The following ARHGAP39 variants were observed in gnomAD, a reference collection of about 807,000 sequenced individuals.
ARHGAP39 encodes rho GTPase-activating protein 39.
ARHGAP39 carries 44 observed loss-of-function variants against 106.9 expected under a neutral mutation model. The observed-to-expected ratio is 0.41, with a 90% CI of 0.32 to 0.53. The LOEUF (loss-of-function observed/expected upper bound fraction) is 0.53, where lower values mean the gene tolerates loss of function less well. Among genes scored for constraint, ARHGAP39 ranks in the 20% least tolerant of loss-of-function variants. ARHGAP39 has a pLI of 0.21. For missense variants in ARHGAP39, 1,496 were observed against 1,577.3 expected, an observed-to-expected ratio of 0.95 and a Z score of 0.87; for synonymous variants, 768 against 693.2, an observed-to-expected ratio of 1.11 and a Z score of -1.69.
chr8:144,615,064 T>C (rs557256541), intron 1 of ARHGAP39, among the ~76,000 whole-genome samples: 1 of 152,390 alleles, frequency 6.6e-6, no homozygotes, highest in South Asian at 2.1e-4. Context: ...CTCACGCCTA[T>C]AATCCCAGCA....
rs142941118 is a variant in ARHGAP39 at position 144,561,564 on chromosome 8, G to A, written c.513-5921C>T. Among the ~76,000 whole-genome samples, 436 of 141,376 alleles carry A rather than the reference G, an allele frequency of 3.1e-3. 2 individuals are homozygous for A. Among genetic ancestry groups the A allele is most frequent in the Non-Finnish European group, 5.9e-3 (369 of 62,994 alleles). 92.7% of individuals were successfully genotyped at this position (141,376 alleles called of 152,430 possible). On this transcript the variant is annotated intron_variant, in intron 3 of 11. Transcript: ENST00000377307. ...CCATCACACTCCAGTGGTTTCGATCGGACCCCAGTGGTTTCCATCGGACCC... is the reference window on the plus strand; with the variant it reads ...CCATCACACTCCAGTGGTTTCGATCAGACCCCAGTGGTTTCCATCGGACCC...
At chr8:144,567,990 T>C (rs71520580) in intron 3 of ARHGAP39, among the ~76,000 whole-genome samples, 3 of 152,142 alleles carry the variant, frequency 2.0e-5, no homozygotes, top group Non-Finnish European at 4.4e-5. Context: ...CTTTGTCTTG[T>C]GTCTTTATTT....
intron 1 of ARHGAP39, among the ~76,000 whole-genome samples, chr8:144,617,534 C>T (rs948953033): frequency 7.9e-5 from 12 of 151,250 alleles, no homozygotes; most frequent in Non-Finnish European, 1.6e-4. Flanking sequence ...GGAACACAGC[C>T]TTCAGGCTGA....
rs1296189034 is a variant in ARHGAP39, at chr8:144,647,658, G to A, written c.-82+38028C>T. ...ACCTTTGGTGGGTGAGGGAAGGAATGACCAATCCAAGACAAGAAATGCTCG... is the reference window on the plus strand; with the variant it reads ...ACCTTTGGTGGGTGAGGGAAGGAATAACCAATCCAAGACAAGAAATGCTCG... On this transcript the variant is annotated intron_variant, in intron 1 of 11. Coordinates refer to ENST00000377307, the MANE Select transcript of ARHGAP39 (RefSeq NM_025251.3). This position sits in a 1 kb window ranked among gnomAD's most constrained non-coding sequence, Gnocchi z 4.8. 1.3e-5 allele frequency among the ~76,000 whole-genome samples: 2 copies of A among 152,240 alleles called. No individual in the cohort carries two copies. Among genetic ancestry groups the A allele is most frequent in the Admixed American group, 6.5e-5 (1 of 15,282 alleles).
intron 1 of ARHGAP39, among the ~76,000 whole-genome samples, chr8:144,623,850 G>GCA (rs1308904498): frequency 6.6e-6 from 1 of 152,220 alleles, no homozygotes; most frequent in Non-Finnish European, 1.5e-5. Flanking sequence ...GGGCAAGTAA[G>GCA]CACACAGAGC....
intron 2 of ARHGAP39, 144 bp downstream of exon 2, chr8:144,605,391 C>T (rs1396305176): frequency 7.3e-6 from 6 of 826,618 alleles, no homozygotes; most frequent in Non-Finnish European, 1.2e-5. Flanking sequence ...CAGGTGGCAT[C>T]GGCCATCCAG....
At chr8:144,635,685 G>A (rs116020290) in intron 1 of ARHGAP39, among the ~76,000 whole-genome samples, 3,731 of 152,260 alleles carry the variant, frequency 0.025, 187 homozygotes, top group East Asian at 0.21. Flanking sequence ...TACCCGGTGG[G>A]ATCTGAGTCT....
chr8:144,580,803 CCA>C (rs1195853079), intron 3 of ARHGAP39, 41 bp downstream of exon 3: 1 of 1,470,222 alleles, frequency 6.8e-7, no homozygotes, highest in Non-Finnish European at 9.0e-7. Flanking sequence ...CCCGCCCACT[CCA>C]TTCACCTGGC....
At chr8:144,600,969 T>C (rs993769616) in intron 2 of ARHGAP39, among the ~76,000 whole-genome samples, 47 of 143,478 alleles carry the variant, frequency 3.3e-4, no homozygotes, top group African/African-American at 1.0e-3. Flanking sequence ...CCTGTGTGCA[T>C]GTGCGTGGAG....
intron 1 of ARHGAP39, among the ~76,000 whole-genome samples, chr8:144,640,520 C>A (rs538741227): frequency 6.6e-6 from 1 of 152,310 alleles, no homozygotes; most frequent in African/African-American, 2.4e-5. Flanking sequence ...GTGAGGCCTC[C>A]CCAGCCATGT....
In ARHGAP39 at chr8:144,530,102, A is replaced by T; in HGVS notation, c.*320T>A. The stretch of plus-strand genomic sequence containing the variant: ...GCCACAGGGAGGCAGCCCGGCCCCA[A>T]GGAGGCAGCGTCGCTCGGCTCCAGG... On this transcript the variant is annotated 3_prime_UTR_variant, in exon 12 of 12. Transcript: ENST00000377307. 2 of 333,618 alleles carry T rather than the reference A, an allele frequency of 6.0e-6. No homozygotes were observed. Among genetic ancestry groups the T allele is most frequent in the Non-Finnish European group, 1.1e-5 (2 of 181,214 alleles). 20.7% of individuals were successfully genotyped at this position (333,618 alleles called of 1,614,324 possible). A position where few individuals can be genotyped will look rare whatever the true frequency, so the allele number is the denominator to read the frequency against.
chr8:144,578,901 G>T (rs1202276201), intron 3 of ARHGAP39, among the ~76,000 whole-genome samples: 1 of 151,850 alleles, frequency 6.6e-6, no homozygotes, highest in African/African-American at 2.4e-5. Context: ...TTTTTCAAAT[G>T]ATACCATCAA....
In ARHGAP39 at chr8:144,601,987, G is replaced by A. The variant is rs371515763; in HGVS notation, c.80+3548C>T. Among the ~76,000 whole-genome samples the A allele has an allele frequency of 3.4e-3, 484 of 142,812 alleles. 3 individuals carry two copies. Among genetic ancestry groups the A allele is most frequent in the African/African-American group, 0.012 (437 of 37,786 alleles). The allele number at this position is 142,812 out of a possible 152,430, so 93.7% of individuals were successfully genotyped here. A position where few individuals can be genotyped will look rare whatever the true frequency, so the allele number is the denominator to read the frequency against. ...TTCATGTGCGTGGAGGTGCGTGTGC[G>A]AGCTCATGTACCTGTGTGTGTGCAT... On this transcript the variant is annotated intron_variant, in intron 2 of 11. Transcript: ENST00000377307.
chr8:144,612,131 C>T (rs1019878029), intron 1 of ARHGAP39, among the ~76,000 whole-genome samples: 7 of 152,206 alleles, frequency 4.6e-5, no homozygotes, highest in Non-Finnish European at 5.9e-5. Flanking sequence ...AAGTGAGCCA[C>T]GGCTGCGCCG....
At chr8:144,539,735 T>A (rs111256683) in intron 6 of ARHGAP39, among the ~76,000 whole-genome samples, 1,928 of 152,356 alleles carry the variant, frequency 0.013, 36 homozygotes, top group African/African-American at 0.043. Flanking sequence ...TGGGTCTGTT[T>A]CTAAACTTGC....
intron 1 of ARHGAP39, among the ~76,000 whole-genome samples, chr8:144,631,860 A>G (rs1047043207): frequency 6.6e-6 from 1 of 152,260 alleles, no homozygotes; most frequent in East Asian, 1.9e-4. Context: ...CGGGCAGGGC[A>G]ACTGTCAGTG....
At chr8:144,599,248 A>G (rs891033916) in intron 2 of ARHGAP39, among the ~76,000 whole-genome samples, 5 of 152,244 alleles carry the variant, frequency 3.3e-5, no homozygotes, top group Admixed American at 2.6e-4. Flanking sequence ...TAATTGCAGA[A>G]TATGCGAAAT....
At chr8:144,559,399 A>C (rs2130864605) in intron 3 of ARHGAP39, among the ~76,000 whole-genome samples, 1 of 146,934 alleles carries the variant, frequency 6.8e-6, no homozygotes, top group South Asian at 2.2e-4. Context: ...TAATTAAAGC[A>C]GTGTAGTACT....
intron 3 of ARHGAP39, among the ~76,000 whole-genome samples, chr8:144,579,227 A>T (rs1448947722): frequency 1.3e-5 from 2 of 149,180 alleles, no homozygotes; most frequent in Non-Finnish European, 3.0e-5. Context: ...AAAAAAAAAG[A>T]AAGTGAAAAA....
Sources: gnomAD v4.1 joint callset for allele counts (sites outside exome capture counted in the v4.1 genomes callset) on GRCh38, gnomAD v4.1.1 for gene constraint, Gnocchi (gnomAD v3.1) non-coding constraint, MANE v1.5 for transcripts, NCBI Gene and HGNC (gene_info 2026-07-23, HGNC 2026-07-21) for gene names.